COX7B2: variants seen among roughly 807,000 people sequenced by gnomAD.
The protein encoded by COX7B2 is cytochrome c oxidase subunit 7B2, mitochondrial.
For synonymous variants in COX7B2, 37 were observed against 32.1 expected, an observed-to-expected ratio of 1.15 and a Z score of -0.51; for missense variants, 109 against 95.9, an observed-to-expected ratio of 1.14 and a Z score of -0.57.
At chr4:46,753,382 A>G (rs1715529512) in intron 2 of COX7B2, among the ~76,000 whole-genome samples, 1 of 152,068 alleles carries the variant, frequency 6.6e-6, no homozygotes, top group Admixed American at 6.6e-5. Flanking sequence ...CCAATGGAAC[A>G]GAACAGAGCC....
intron 2 of COX7B2, among the ~76,000 whole-genome samples, chr4:46,785,875 GA>G (rs1317271026): frequency 2.0e-5 from 3 of 151,236 alleles, no homozygotes; most frequent in South Asian, 4.2e-4. Context: ...CTCTTATGGG[GA>G]AAAAAAGGGG....
intron 1 of COX7B2, among the ~76,000 whole-genome samples, chr4:46,873,183 T>C (rs565727527): frequency 3.9e-5 from 6 of 152,334 alleles, no homozygotes; most frequent in Non-Finnish European, 7.3e-5. Flanking sequence ...TAGTATTCTA[T>C]GGTGTATATG....
At chr4:46,766,464 C>A (rs2109497904) in intron 2 of COX7B2, among the ~76,000 whole-genome samples, 1 of 152,072 alleles carries the variant, frequency 6.6e-6, no homozygotes, top group African/African-American at 2.4e-5. Context: ...CTTTGGGAAG[C>A]CAAGGCGGGT....
intron 2 of COX7B2, among the ~76,000 whole-genome samples, chr4:46,823,276 A>T (rs1318407412): frequency 6.6e-6 from 1 of 151,444 alleles, no homozygotes; most frequent in East Asian, 1.9e-4. Context: ...GTAGAATTTT[A>T]TATATTATAT....
intron 1 of COX7B2, among the ~76,000 whole-genome samples, chr4:46,873,200 T>A (rs1223448986): frequency 6.6e-6 from 1 of 152,144 alleles, no homozygotes; most frequent in Admixed American, 6.6e-5. Flanking sequence ...TATGTGCCCA[T>A]ATTTTCTTTA....
chr4:46,884,341 G>A (rs1718939474), intron 1 of COX7B2, among the ~76,000 whole-genome samples: 1 of 152,122 alleles, frequency 6.6e-6, no homozygotes, highest in African/African-American at 2.4e-5. Context: ...ACATGCATGA[G>A]CCACCATGGC....
chr4:46,891,749 C>T (rs10517169), intron 1 of COX7B2, among the ~76,000 whole-genome samples: 36,923 of 151,968 alleles, frequency 0.24, 4,696 homozygotes, highest in East Asian at 0.29. Context: ...TAGGCAATAA[C>T]GGAAGATTCA....
intron 2 of COX7B2, among the ~76,000 whole-genome samples, chr4:46,752,326 G>A (rs140755589): frequency 0.32 from 46,531 of 147,370 alleles, 7,572 homozygotes; most frequent in South Asian, 0.46. Context: ...GGGCTGAGAG[G>A]ATGGGGTTTT....
intron 2 of COX7B2, among the ~76,000 whole-genome samples, chr4:46,829,458 C>A (rs1461731759): frequency 6.6e-6 from 1 of 152,030 alleles, no homozygotes; most frequent in Admixed American, 6.5e-5. Context: ...TTTTAACATG[C>A]AATTTTTTTT....
At chr4:46,775,323 T>C (rs1371758621) in intron 2 of COX7B2, among the ~76,000 whole-genome samples, 1 of 152,120 alleles carries the variant, frequency 6.6e-6, no homozygotes, top group East Asian at 1.9e-4. Context: ...TCATATGTTG[T>C]TAAAAGAATA....
chr4:46,830,742 G>C (rs1715025776), intron 2 of COX7B2, among the ~76,000 whole-genome samples: 1 of 152,232 alleles, frequency 6.6e-6, no homozygotes, highest in African/African-American at 2.4e-5. Flanking sequence ...ACAGGAGGAA[G>C]GGAGTCTGCT....
chr4:46,873,412 A>G (rs754740525), intron 1 of COX7B2, among the ~76,000 whole-genome samples: 1 of 152,096 alleles, frequency 6.6e-6, no homozygotes, highest in Non-Finnish European at 1.5e-5. Context: ...GTCTTCCACA[A>G]TGGTTGAACT....
intron 1 of COX7B2, among the ~76,000 whole-genome samples, chr4:46,866,231 GA>G (rs1717655587): frequency 6.6e-6 from 1 of 152,164 alleles, no homozygotes; most frequent in Non-Finnish European, 1.5e-5. Context: ...CCCCCTTCTG[GA>G]AAATAGGAGC....
chr4:46,855,808 G>C (rs73813717), intron 1 of COX7B2, among the ~76,000 whole-genome samples: 1 of 152,250 alleles, frequency 6.6e-6, no homozygotes, highest in African/African-American at 2.4e-5. Context: ...CATGAAACGA[G>C]AGAAACAGAA....
intron 1 of COX7B2, among the ~76,000 whole-genome samples, chr4:46,863,317 G>A (rs1399209856): frequency 1.3e-5 from 2 of 152,106 alleles, no homozygotes; most frequent in Non-Finnish European, 2.9e-5. Flanking sequence ...TCTTGTCCTA[G>A]AGAACAACTG....
Position 46,908,350 on chromosome 4 carries a change from G to A in COX7B2, c.-105+810C>T, listed in dbSNP as rs572468450. The stretch of plus-strand genomic sequence containing the variant: ...TTCAAAGCCAAGCAGCAATAATCAC[G>A]TGACCAACACCCGTTTAATAGGGAT... On this transcript the variant is annotated intron_variant, in intron 1 of 2. Coordinates refer to ENST00000355591, the MANE Select transcript of COX7B2 (RefSeq NM_130902.3). 1.3e-4 allele frequency among the ~76,000 whole-genome samples: 20 copies of A among 152,176 alleles called. No individual in the cohort carries two copies. The East Asian group carries it at 3.7e-3, about 28-fold the overall frequency.
chr4:46,838,528 AGTGGTGGTCAT>A (rs2109748485), intron 2 of COX7B2, among the ~76,000 whole-genome samples: 1 of 152,186 alleles, frequency 6.6e-6, no homozygotes, highest in African/African-American at 2.4e-5. Context: ...CACTATCAGA[AGTGGTGGTCAT>A]GCATCAAAGC....
At chr4:46,736,499 G>A (rs911887225) in intron 2 of COX7B2, among the ~76,000 whole-genome samples, 4 of 151,956 alleles carry the variant, frequency 2.6e-5, no homozygotes, top group African/African-American at 9.7e-5. Context: ...CATTTCCTGA[G>A]GAAGGAACTC....
chr4:46,837,137 A>G (rs1715567674), intron 2 of COX7B2, among the ~76,000 whole-genome samples: 1 of 152,048 alleles, frequency 6.6e-6, no homozygotes. Flanking sequence ...AAGATCTTTA[A>G]GAGACTCTGA....
Sources: allele counts gnomAD v4.1 joint callset (sites outside exome capture counted in the v4.1 genomes callset), GRCh38; gene constraint gnomAD v4.1.1; transcripts MANE v1.5; gene names NCBI Gene and HGNC (gene_info 2026-07-23, HGNC 2026-07-21).